Variants in GABRA3 observed in about 807,000 individuals in gnomAD.
GABRA3 encodes gamma-aminobutyric acid receptor subunit alpha-3.
Under a neutral mutation model 30.1 loss-of-function variants are expected in GABRA3, and 10 were observed. That is an observed-to-expected ratio of 0.33 (90% confidence interval 0.20 to 0.56). GABRA3 has a LOEUF of 0.56. Among genes scored for constraint, GABRA3 ranks in the 20% least tolerant of loss-of-function variants. The pLI, the probability that GABRA3 is intolerant of heterozygous loss-of-function variation, is 0.89. For missense variants in GABRA3, 233 were observed against 392.0 expected (o/e 0.59, Z 3.42); for synonymous variants, 151 against 146.8 (o/e 1.03, Z -0.21).
At chrX:152,246,645 C>T (rs1270366959) in intron 5 of GABRA3, among the ~76,000 whole-genome samples, 1 of 111,552 alleles carries the variant, frequency 9.0e-6, no homozygotes, top group African/African-American at 3.3e-5. Flanking sequence ...GAAGTGCACA[C>T]AGTAATTTGG....
chrX:152,382,138 CA>C (rs1929162620), intron 1 of GABRA3, among the ~76,000 whole-genome samples: 1 of 112,047 alleles, frequency 8.9e-6, no homozygotes, highest in Non-Finnish European at 1.9e-5. Context: ...AGACACTTCT[CA>C]AAAGAAGACA....
intron 2 of GABRA3, among the ~76,000 whole-genome samples, chrX:152,357,697 G>A (rs888131271): frequency 9.0e-6 from 1 of 111,615 alleles, no homozygotes; most frequent in African/African-American, 3.3e-5. Flanking sequence ...ATCTTTGCCA[G>A]GTCCTATGTC....
chrX:152,318,232 C>T (rs1939907432), intron 3 of GABRA3, among the ~76,000 whole-genome samples: 1 of 111,132 alleles, frequency 9.0e-6, no homozygotes, highest in Non-Finnish European at 1.9e-5. Flanking sequence ...GGATAAATTC[C>T]TGGAAACATA....
chrX:152,182,553 CACTATATATAT>C (rs1238014447), intron 9 of GABRA3, among the ~76,000 whole-genome samples: 1 of 76,545 alleles, frequency 1.3e-5, no homozygotes, highest in Non-Finnish European at 2.4e-5. Context: ...TGTATATATA[CACTATATATAT>C]ACTATATATG....
chrX:152,224,490 C>T (rs775437175), intron 6 of GABRA3, among the ~76,000 whole-genome samples: 10 of 111,768 alleles, frequency 8.9e-5, no homozygotes, highest in African/African-American at 2.9e-4. Context: ...ATTTAGAAAA[C>T]AGACATTAAT....
chrX:152,206,884 C>G (rs1180706502), intron 7 of GABRA3, among the ~76,000 whole-genome samples: 1 of 111,389 alleles, frequency 9.0e-6, no homozygotes, highest in East Asian at 2.9e-4. Flanking sequence ...CCCCACAGAA[C>G]AGCCCACCCA....
At chrX:152,385,555 T>G (rs959179962) in intron 1 of GABRA3, among the ~76,000 whole-genome samples, 3 of 112,068 alleles carry the variant, frequency 2.7e-5, no homozygotes, top group Admixed American at 9.5e-5. Context: ...CTGTTCACTC[T>G]GATGGTAGTT....
At position 152,287,393 on chromosome X, in the gene GABRA3, G is replaced by A. The variant is rs183760851; in HGVS notation, c.263-2658C>T. ...TGGTGGTAATTAAATCATGGGGGCGGTTTTCCCCATGCTGTTCTCATGATA... is the reference window on the plus strand; with the variant it reads ...TGGTGGTAATTAAATCATGGGGGCGATTTTCCCCATGCTGTTCTCATGATA... On this transcript the variant is annotated intron_variant, in intron 3 of 9. Coordinates refer to ENST00000370314, the MANE Select transcript of GABRA3 (RefSeq NM_000808.4). Among the ~76,000 whole-genome samples the A allele has an allele frequency of 7.2e-5, 8 of 110,568 alleles. No individual in the cohort carries two copies. The Admixed American group carries it at 7.7e-4, about 11-fold the overall frequency.
chrX:152,443,839 C>T (rs764949971), intron 1 of GABRA3, among the ~76,000 whole-genome samples: 1 of 111,689 alleles, frequency 9.0e-6, no homozygotes, highest in African/African-American at 3.2e-5. Flanking sequence ...ATCTGTCATA[C>T]AATTATGGTA....
At chrX:152,350,257 A>G (rs1247387669) in intron 2 of GABRA3, among the ~76,000 whole-genome samples, 1 of 97,996 alleles carries the variant, frequency 1.0e-5, no homozygotes, top group Non-Finnish European at 2.0e-5. Flanking sequence ...TTTGAAACCA[A>G]CGAGAACAAA....
At chrX:152,340,118 T>C (rs910193550) in intron 3 of GABRA3, among the ~76,000 whole-genome samples, 1 of 112,156 alleles carries the variant, frequency 8.9e-6, no homozygotes, top group African/African-American at 3.2e-5. Context: ...TTTTCTGCCT[T>C]CCTATGGATT....
intron 7 of GABRA3, among the ~76,000 whole-genome samples, chrX:152,201,195 C>T (rs1937479433): frequency 8.9e-6 from 1 of 111,841 alleles, no homozygotes; most frequent in African/African-American, 3.3e-5. Context: ...CTGATATTTT[C>T]CATCTCTATA....
chrX:152,341,759 C>T (rs931824246), intron 3 of GABRA3, among the ~76,000 whole-genome samples: 10 of 110,469 alleles, frequency 9.1e-5, no homozygotes, highest in Non-Finnish European at 1.9e-4. Context: ...CCAGGATGGT[C>T]TCGATCTCTT....
chrX:152,175,689 A>G (rs1417938386), intron 9 of GABRA3, among the ~76,000 whole-genome samples: 2 of 111,781 alleles, frequency 1.8e-5, no homozygotes, highest in Non-Finnish European at 3.8e-5. Flanking sequence ...AAGCTGTGAA[A>G]AGATCTCAAC....
chrX:152,322,534 CT>C (rs1826072702), intron 3 of GABRA3, among the ~76,000 whole-genome samples: 1 of 109,628 alleles, frequency 9.1e-6, no homozygotes, highest in African/African-American at 3.3e-5. Context: ...ATAAAGTCAA[CT>C]CTTTTTTTTT....
chrX:152,287,611 A>G lies in GABRA3; in HGVS notation c.263-2876T>C, dbSNP rs145338879. Among the ~76,000 whole-genome samples the G allele has an allele frequency of 2.2e-3, 241 of 111,215 alleles. 1 individual carries two copies. The highest frequency in any genetic ancestry group is 7.7e-3 in the African/African-American group (235 of 30,601). On this transcript the variant is annotated intron_variant, in intron 3 of 9. Transcript: ENST00000370314. ...CTTTATAAATTACCCAGTCTCGGAT[A>G]TTTCTTCATAGCAGCGTAAGAACGG...
chrX:152,243,379 A>G (rs753299037), intron 5 of GABRA3, among the ~76,000 whole-genome samples: 1 of 112,195 alleles, frequency 8.9e-6, no homozygotes, highest in East Asian at 2.8e-4. Flanking sequence ...GGTAATGCAT[A>G]TGAAAATTAG....
intron 5 of GABRA3, among the ~76,000 whole-genome samples, chrX:152,242,389 G>T (rs1360748188): frequency 9.0e-6 from 1 of 111,588 alleles, no homozygotes; most frequent in East Asian, 2.8e-4. Context: ...AAAAGCATAG[G>T]CAACAAAAGC....
rs758484872 is a variant in GABRA3, at chrX:152,265,598, A to C, written c.331-9600T>G. On this transcript the variant is annotated intron_variant, in intron 4 of 9. Transcript: ENST00000370314. ...AATGCATCTTAAAGAACTAGAAAAA[A>C]CAAGAGCAAACCAAGCCCAACATTA... Among the ~76,000 whole-genome samples the C allele has an allele frequency of 4.5e-5, 5 of 111,691 alleles. No homozygotes were observed. In the East Asian group the frequency reaches 1.4e-3, roughly 31 times the overall value.
Sources: gnomAD v4.1 joint callset for allele counts (sites outside exome capture counted in the v4.1 genomes callset) on GRCh38, gnomAD v4.1.1 for gene constraint, MANE v1.5 for transcripts, NCBI Gene and HGNC (gene_info 2026-07-23, HGNC 2026-07-21) for gene names.